The following VPS53 variants were observed in gnomAD, a reference collection of about 807,000 sequenced individuals.
VPS53 encodes the protein VPS53 subunit of GARP complex, also known as vacuolar protein sorting-associated protein 53 homolog.
A neutral mutation model predicts 107.0 loss-of-function variants in VPS53; 70 were observed. The ratio of observed to expected loss-of-function variants is 0.65; its 90% CI spans 0.54 to 0.80. The LOEUF (loss-of-function observed/expected upper bound fraction) is 0.80. VPS53 is among the 30% of genes least tolerant of loss of function. The pLI is 0.00. For missense variants in VPS53, 917 were observed against 1,049.4 expected, an observed-to-expected ratio of 0.87 and a Z score of 1.74; for synonymous variants, 409 against 393.3, an observed-to-expected ratio of 1.04 and a Z score of -0.47.
At chr17:645,971 T>C (rs1597429825) in intron 7 of VPS53, among the ~76,000 whole-genome samples, 3 of 134,982 alleles carry the variant, frequency 2.2e-5, no homozygotes, top group South Asian at 2.5e-4. Context: ...GTGTGGCCAC[T>C]GCCTCCTAAG....
intron 2 of VPS53, among the ~76,000 whole-genome samples, chr17:703,198 G>C (rs141539730): frequency 6.6e-6 from 1 of 152,334 alleles, no homozygotes; most frequent in Non-Finnish European, 1.5e-5. Context: ...GACAGAGTGG[G>C]AACCCACCTC....
intron 7 of VPS53, among the ~76,000 whole-genome samples, chr17:642,357 C>A (rs575598399): frequency 6.6e-6 from 1 of 151,198 alleles, no homozygotes; most frequent in Non-Finnish European, 1.5e-5. Flanking sequence ...AAAGCGAGGA[C>A]AACACTCATA....
intron 10 of VPS53, among the ~76,000 whole-genome samples, chr17:626,318 T>G (rs759937727): frequency 1.4e-4 from 21 of 152,292 alleles, no homozygotes; most frequent in Admixed American, 3.3e-4. Flanking sequence ...GTCCTTGGGC[T>G]ACACTCATGG....
At chr17:557,143 G>A (rs529878751) in intron 15 of VPS53, among the ~76,000 whole-genome samples, 237 of 152,212 alleles carry the variant, frequency 1.6e-3, no homozygotes, top group Non-Finnish European at 2.2e-3. Context: ...ATGAGCCACC[G>A]CGCCCCCACT....
intron 12 of VPS53, among the ~76,000 whole-genome samples, chr17:594,356 C>T (rs911996194): frequency 1.7e-4 from 26 of 152,356 alleles, no homozygotes; most frequent in African/African-American, 5.8e-4. Flanking sequence ...TTGTCAACAC[C>T]GCATGGGCTG....
At chr17:684,077 C>CA (rs1972498870) in intron 4 of VPS53, among the ~76,000 whole-genome samples, 2 of 152,224 alleles carry the variant, frequency 1.3e-5, no homozygotes, top group South Asian at 4.1e-4. Context: ...ACATCAGTGA[C>CA]AATATGACTG....
intron 6 of VPS53, among the ~76,000 whole-genome samples, chr17:655,508 T>A (rs145134020): frequency 6.6e-6 from 1 of 151,372 alleles, no homozygotes; most frequent in African/African-American, 2.4e-5. Flanking sequence ...CATATGGGCC[T>A]GTGTCACTCT....
At chr17:572,683 A>G (rs1444933731) in intron 13 of VPS53, among the ~76,000 whole-genome samples, 1 of 150,686 alleles carries the variant, frequency 6.6e-6, no homozygotes, top group Non-Finnish European at 1.5e-5. Flanking sequence ...GTTCTGTACC[A>G]AGAAAAATTC....
rs1199726777 is a variant in VPS53, at chr17:651,679, T to TTAAG, written c.608+1608_608+1611dup. On this transcript the variant is annotated intron_variant, in intron 7 of 21. Coordinates refer to ENST00000437048, the MANE Select transcript of VPS53 (RefSeq NM_001128159.3). ...AGAAGCCTGTAGCATTCGGGCCTTA[T>TTAAG]TAAGAAGGCAGAGTCAGAAACGTAG... 9.2e-5 allele frequency among the ~76,000 whole-genome samples: 14 copies of TTAAG among 152,360 alleles called. No individual in the cohort carries two copies. In the Middle Eastern group the frequency reaches 0.01, roughly 111 times the overall value.
In VPS53 at chr17:592,200, T is replaced by G. The variant is rs555129092; in HGVS notation, c.1219-5836A>C. Among the ~76,000 whole-genome samples the G allele has an allele frequency of 1.4e-4, 21 of 152,330 alleles. No homozygotes were observed. The South Asian group carries it at 3.7e-3, about 27-fold the overall frequency. On this transcript the variant is annotated intron_variant, in intron 12 of 21. Coordinates refer to ENST00000437048, the MANE Select transcript of VPS53 (RefSeq NM_001128159.3). ...GTTTAAAGTCTGTTTTATGAGAGAC[T>G]AGGATTGCAACCCCTGCCTTTTTTT...
chr17:548,722 T>C (rs1911528177), intron 17 of VPS53, among the ~76,000 whole-genome samples: 1 of 152,270 alleles, frequency 6.6e-6, no homozygotes, highest in Admixed American at 6.5e-5. Context: ...TTTCCAATCT[T>C]AACTCTGTCA....
chr17:695,323 C>G (rs1054801560), intron 4 of VPS53, among the ~76,000 whole-genome samples: 2 of 152,090 alleles, frequency 1.3e-5, no homozygotes, highest in South Asian at 2.1e-4. Context: ...TGGAAAACAT[C>G]GTCAAGAAAC....
intron 11 of VPS53, among the ~76,000 whole-genome samples, chr17:612,855 C>T (rs1450734139): frequency 6.6e-6 from 1 of 150,982 alleles, no homozygotes; most frequent in Non-Finnish European, 1.5e-5. Flanking sequence ...CAGCAGTATT[C>T]AAATAGTGAA....
At position 520,139 on chromosome 17, in the gene VPS53, C is replaced by T. The variant is rs1908615882; in HGVS notation, c.2224-209G>A. On this transcript the variant is annotated intron_variant, in intron 20 of 21. Transcript: ENST00000437048. The surrounding 1 kb of genome is among the most constrained non-coding windows in gnomAD (Gnocchi z 4.4). Reference sequence around the variant, plus strand: ...AGCAGCAACCCAGACTAGAAACGCCCCAGTGGCCCATCTCATCTTCACATG... The same window carrying T: ...AGCAGCAACCCAGACTAGAAACGCCTCAGTGGCCCATCTCATCTTCACATG... Among the ~76,000 whole-genome samples, 1 of 152,180 alleles carries T rather than the reference C, an allele frequency of 6.6e-6. No individual in the cohort carries two copies. Among genetic ancestry groups the T allele is most frequent in the Admixed American group, 6.5e-5 (1 of 15,280 alleles).
In VPS53 at chr17:623,607, T is replaced by C; in HGVS notation, c.1042A>G (p.Ile348Val). Residue 348 changes from isoleucine to valine, a missense_variant, in exon 11 of 22, where the codon ATT becomes GTT. Coordinates refer to ENST00000437048, the MANE Select transcript of VPS53 (RefSeq NM_001128159.3). ...CCCTCAAAGTTAGTTGTTCTTTGAA[T>C]AGCAAAAAGAAGCAATTTCACTTCA... ...EIEVKLLLFAIQRTTNFEGFL... is the reference protein window; with the variant it reads ...EIEVKLLLFAVQRTTNFEGFL... 4.3e-6 allele frequency: 7 copies of C among 1,614,060 alleles called. No homozygotes were observed. Among genetic ancestry groups the C allele is most frequent in the Non-Finnish European group, 5.9e-6 (7 of 1,179,938 alleles).
chr17:711,904 C>T (rs1264485549), intron 1 of VPS53, among the ~76,000 whole-genome samples: 1 of 151,524 alleles, frequency 6.6e-6, no homozygotes. Context: ...ACAAGCTCCA[C>T]CTCCCAGGTT....
At chr17:665,173 T>A (rs976968018) in intron 4 of VPS53, among the ~76,000 whole-genome samples, 1 of 152,206 alleles carries the variant, frequency 6.6e-6, no homozygotes, top group African/African-American at 2.4e-5. Context: ...AGTGGGTTCT[T>A]GATAAAAGGA....
Position 714,828 on chromosome 17 carries a change from A to G in VPS53, c.-119T>C. On this transcript the variant is annotated 5_prime_UTR_variant, in exon 1 of 22. Transcript: ENST00000437048. Reference sequence around the variant, plus strand: ...GCGACCTGGTGAGCCCGGCTCCGTCAGCCGCTCTGTCAGCCGCTCCGGCAC... The same window carrying G: ...GCGACCTGGTGAGCCCGGCTCCGTCGGCCGCTCTGTCAGCCGCTCCGGCAC... The G allele has an allele frequency of 8.8e-7, 1 of 1,141,370 alleles. No homozygotes were observed. The highest frequency in any genetic ancestry group is 1.3e-6 in the Non-Finnish European group (1 of 769,866). 70.7% of individuals were successfully genotyped at this position (1,141,370 alleles called of 1,614,324 possible).
At chr17:626,399 G>A (rs1159213300) in intron 10 of VPS53, among the ~76,000 whole-genome samples, 1 of 152,218 alleles carries the variant, frequency 6.6e-6, no homozygotes, top group African/African-American at 2.4e-5. Context: ...GCCAGGTGCA[G>A]TGGCTCATGC....
Sources: allele counts gnomAD v4.1 joint callset (sites outside exome capture counted in the v4.1 genomes callset), GRCh38; gene constraint gnomAD v4.1.1; non-coding constraint Gnocchi (gnomAD v3.1); transcripts MANE v1.5; gene names NCBI Gene and HGNC (gene_info 2026-07-23, HGNC 2026-07-21).